SCLT1: variants seen among roughly 807,000 people sequenced by gnomAD.
SCLT1 encodes sodium channel-associated protein 1.
SCLT1 carries 78 observed loss-of-function variants against 112.8 expected under a neutral mutation model. The observed-to-expected ratio is 0.69, with a 90% CI of 0.58 to 0.83. SCLT1 has a LOEUF of 0.83. Among genes scored for constraint, SCLT1 ranks in the 40% least tolerant of loss-of-function variants. The pLI, the probability that SCLT1 is intolerant of heterozygous loss-of-function variation, is 0.00. For missense variants in SCLT1, 747 were observed against 770.4 expected (o/e 0.97, Z 0.36); for synonymous variants, 257 against 254.7 (o/e 1.01, Z -0.09).
chr4:128,947,404 T>C (rs967406385), intron 15 of SCLT1, among the ~76,000 whole-genome samples: 14 of 151,542 alleles, frequency 9.2e-5, no homozygotes, highest in Non-Finnish European at 1.9e-4. Context: ...ACACATGTAT[T>C]TTTTTTTTCA....
intron 18 of SCLT1, among the ~76,000 whole-genome samples, chr4:128,903,283 A>G (rs889950689): frequency 1.3e-5 from 2 of 152,286 alleles, no homozygotes; most frequent in African/African-American, 4.8e-5. Flanking sequence ...CTAAGACATT[A>G]TAACAGCTAT....
intron 9 of SCLT1, among the ~76,000 whole-genome samples, chr4:128,983,826 A>C (rs1741873925): frequency 1.3e-5 from 2 of 152,210 alleles, no homozygotes. Flanking sequence ...GTACAAACTT[A>C]AACAACTCTA....
rs1743742185 is a variant in SCLT1 at position 129,003,771 on chromosome 4, GT to G, written c.395del (p.Asn132ThrfsTer8). 6.2e-6 allele frequency: 10 copies of G among 1,609,288 alleles called. No individual in the cohort carries two copies. Among genetic ancestry groups the G allele is most frequent in the Non-Finnish European group, 8.5e-6 (10 of 1,177,986 alleles). ...TGGCTAGCTGCAATTGTTCTTGAAG[GT>G]TTCTGACTGTTTCATCATCTGCATA... is the stretch of plus-strand genomic sequence containing the variant. ...DIYADDETVR[N>X]LQEQLQLANQ... On this transcript the variant is annotated frameshift_variant, in exon 6 of 21. Transcript: ENST00000281142. LOFTEE classifies it high-confidence loss of function.
intron 1 of SCLT1, among the ~76,000 whole-genome samples, chr4:129,087,176 GA>G (rs1313804493): frequency 6.6e-6 from 1 of 152,082 alleles, no homozygotes; most frequent in Non-Finnish European, 1.5e-5. Flanking sequence ...CAGGACAAAG[GA>G]TAGAAGACTG....
intron 18 of SCLT1, among the ~76,000 whole-genome samples, chr4:128,903,210 A>G (rs1405342891): frequency 1.3e-5 from 2 of 152,244 alleles, no homozygotes; most frequent in Non-Finnish European, 2.9e-5. Flanking sequence ...CTATACTTTT[A>G]TAAGACTGGC....
chr4:128,926,564 G>A (rs1444997815), intron 18 of SCLT1, among the ~76,000 whole-genome samples: 1 of 152,060 alleles, frequency 6.6e-6, no homozygotes, highest in Non-Finnish European at 1.5e-5. Flanking sequence ...ACTTCTGAAA[G>A]ACATAATTCA....
chr4:129,055,707 T>C (rs1348446211), intron 2 of SCLT1, among the ~76,000 whole-genome samples: 1 of 151,984 alleles, frequency 6.6e-6, no homozygotes, highest in Non-Finnish European at 1.5e-5. Flanking sequence ...AGCTTGCTGG[T>C]CTCCATGGGA....
chr4:129,023,693 A>G (rs1382368349), intron 5 of SCLT1, among the ~76,000 whole-genome samples: 2 of 152,174 alleles, frequency 1.3e-5, no homozygotes, highest in East Asian at 3.9e-4. Flanking sequence ...GGTGCAGGAC[A>G]GTGGGTGCAG....
intron 5 of SCLT1, among the ~76,000 whole-genome samples, chr4:129,022,150 C>A (rs1367494494): frequency 1.3e-5 from 2 of 152,130 alleles, no homozygotes; most frequent in Admixed American, 1.3e-4. Context: ...TCATCAGCCT[C>A]AAAAATCAAA....
chr4:128,898,559 C>G (rs955381586), intron 18 of SCLT1, among the ~76,000 whole-genome samples: 8 of 152,022 alleles, frequency 5.3e-5, no homozygotes, highest in African/African-American at 1.7e-4. Context: ...TAAATGCCCA[C>G]AAGAGAAAGC....
intron 5 of SCLT1, among the ~76,000 whole-genome samples, chr4:129,008,618 T>C (rs1382652061): frequency 1.3e-5 from 2 of 152,238 alleles, no homozygotes; most frequent in Non-Finnish European, 2.9e-5. Context: ...TTCTTTTCAC[T>C]ACCACATTTT....
chr4:129,086,452 G>C (rs1752406785), intron 1 of SCLT1, among the ~76,000 whole-genome samples: 1 of 152,056 alleles, frequency 6.6e-6, no homozygotes, highest in Admixed American at 6.6e-5. Flanking sequence ...TATGCTTTTT[G>C]TGTAGCAGTT....
At position 128,992,239 on chromosome 4, in the gene SCLT1, T is replaced by C; in HGVS notation, c.616-2A>G. The C allele has an allele frequency of 6.3e-7, 1 of 1,581,902 alleles. No homozygotes were observed. Among genetic ancestry groups the C allele is most frequent in the Non-Finnish European group, 8.6e-7 (1 of 1,158,466 alleles). The stretch of plus-strand genomic sequence containing the variant: ...TGTTTTCAGAAACTGTTGGTTAGTC[T>C]GCCACAAGAAAAAAAAAGAATCAGT... On this transcript the variant is annotated splice_acceptor_variant, in intron 8 of 20. Transcript: ENST00000281142. LOFTEE classifies it high-confidence loss of function.
chr4:129,027,154 C>T (rs1746184005), intron 5 of SCLT1, among the ~76,000 whole-genome samples: 1 of 152,156 alleles, frequency 6.6e-6, no homozygotes. Flanking sequence ...CCTTCCGAAA[C>T]TATTCCAATC....
intron 2 of SCLT1, among the ~76,000 whole-genome samples, chr4:129,051,323 G>C (rs1414944021): frequency 6.6e-6 from 1 of 152,092 alleles, no homozygotes; most frequent in Non-Finnish European, 1.5e-5. Flanking sequence ...GCACAGCATG[G>C]CCATTTTCAC....
intron 9 of SCLT1, among the ~76,000 whole-genome samples, chr4:128,986,083 G>C (rs906433937): frequency 5.3e-5 from 8 of 152,222 alleles, no homozygotes; most frequent in African/African-American, 1.7e-4. Flanking sequence ...GTACCGATGA[G>C]TGTAGGAAAG....
Position 128,921,479 on chromosome 4 carries a change from A to G in SCLT1, c.1829+15176T>C, listed in dbSNP as rs138432705. On this transcript the variant is annotated intron_variant, in intron 18 of 20. Coordinates refer to ENST00000281142, the MANE Select transcript of SCLT1 (RefSeq NM_144643.4). ...GACACATAGACCAATGGAACAGAATAGACAGCCCAGAAATAAAGTCACACA... is the reference window on the plus strand; with the variant it reads ...GACACATAGACCAATGGAACAGAATGGACAGCCCAGAAATAAAGTCACACA... 1.4e-3 allele frequency among the ~76,000 whole-genome samples: 210 copies of G among 152,326 alleles called. 10 individuals are homozygous for G. In the East Asian group the frequency reaches 0.039, roughly 28 times the overall value.
At chr4:128,991,590 C>A (rs547609403) in intron 9 of SCLT1, among the ~76,000 whole-genome samples, 17 of 151,562 alleles carry the variant, frequency 1.1e-4, no homozygotes, top group African/African-American at 4.1e-4. Flanking sequence ...GGATTAATAA[C>A]CAGAATTGGA....
chr4:129,075,003 TA>T (rs1463774910), intron 2 of SCLT1, among the ~76,000 whole-genome samples: 3 of 152,178 alleles, frequency 2.0e-5, no homozygotes, highest in Non-Finnish European at 4.4e-5. Context: ...ACTGGGTCTC[TA>T]ATTATCTTTG....
Sources: allele counts gnomAD v4.1 joint callset (sites outside exome capture counted in the v4.1 genomes callset), GRCh38; gene constraint gnomAD v4.1.1; transcripts MANE v1.5; gene names NCBI Gene and HGNC (gene_info 2026-07-23, HGNC 2026-07-21).